The following VAV3 variants were observed in gnomAD, a reference collection of about 807,000 sequenced individuals.
VAV3 encodes guanine nucleotide exchange factor VAV3.
In VAV3, 94 loss-of-function variants were observed where a neutral mutation model predicts 131.2. The observed-to-expected ratio is 0.72, with a 90% confidence interval of 0.61 to 0.85. VAV3 has a LOEUF of 0.85. Ranked by LOEUF, VAV3 falls within the 40% of genes least tolerant of loss-of-function variation. The pLI is 0.00. For missense variants in VAV3, 939 were observed against 1,002.7 expected (o/e 0.94, Z 0.86); for synonymous variants, 349 against 342.0 (o/e 1.02, Z -0.22).
chr1:107,702,384 G>A (rs1570781981), intron 17 of VAV3, among the ~76,000 whole-genome samples: 2 of 152,248 alleles, frequency 1.3e-5, no homozygotes, highest in South Asian at 2.1e-4. Context: ...ATTTGGGTGG[G>A]CACACAGGGC....
intron 25 of VAV3, among the ~76,000 whole-genome samples, chr1:107,583,408 G>T (rs1328596090): frequency 1.3e-5 from 2 of 152,140 alleles, no homozygotes; most frequent in African/African-American, 4.8e-5. Context: ...GTTCTGGCCA[G>T]GGCAATTAGG....
At chr1:107,691,759 T>G (rs1322473116) in intron 17 of VAV3, among the ~76,000 whole-genome samples, 2 of 152,172 alleles carry the variant, frequency 1.3e-5, no homozygotes, top group African/African-American at 2.4e-5. Flanking sequence ...TCTTTCATCA[T>G]GTCCCAACTG....
intron 22 of VAV3, among the ~76,000 whole-genome samples, chr1:107,605,757 A>C (rs1030967172): frequency 6.6e-6 from 1 of 152,200 alleles, no homozygotes; most frequent in Admixed American, 6.5e-5. Context: ...GATATATATA[A>C]AACATAAATA....
intron 2 of VAV3, among the ~76,000 whole-genome samples, chr1:107,791,630 T>C (rs936946946): frequency 6.6e-6 from 1 of 152,152 alleles, no homozygotes; most frequent in Non-Finnish European, 1.5e-5. Context: ...ATGACTCAAA[T>C]AGTCTGTGAT....
intron 4 of VAV3, among the ~76,000 whole-genome samples, chr1:107,773,841 T>C (rs943228242): frequency 6.6e-6 from 1 of 152,038 alleles, no homozygotes; most frequent in Non-Finnish European, 1.5e-5. Flanking sequence ...AGCTGAGATA[T>C]AAAATGATGA....
intron 17 of VAV3, among the ~76,000 whole-genome samples, chr1:107,702,795 CAAAAA>C (rs11312777): frequency 7.3e-6 from 1 of 137,672 alleles, no homozygotes; most frequent in African/African-American, 2.5e-5. Context: ...CCACGTCTTT[CAAAAA>C]AAAAAAAAAA....
intron 17 of VAV3, among the ~76,000 whole-genome samples, chr1:107,703,442 C>T (rs141545120): frequency 3.6e-3 from 542 of 152,274 alleles, no homozygotes; most frequent in Non-Finnish European, 5.6e-3. Flanking sequence ...CAAGAAGATG[C>T]CCAGTAGAGC....
At chr1:107,741,350 G>C (rs1223969720) in intron 15 of VAV3, among the ~76,000 whole-genome samples, 1 of 152,196 alleles carries the variant, frequency 6.6e-6, no homozygotes, top group Non-Finnish European at 1.5e-5. Context: ...CTAAATCCCA[G>C]GATGGGTGTG....
chr1:107,952,265 C>T lies in VAV3; in HGVS notation c.204+12401G>A, dbSNP rs566734020. 1.3e-4 allele frequency among the ~76,000 whole-genome samples: 19 copies of T among 151,756 alleles called. No homozygotes were observed. In the South Asian group the frequency reaches 3.8e-3, roughly 30 times the overall value. On this transcript the variant is annotated intron_variant, in intron 1 of 26. Coordinates refer to ENST00000370056, the MANE Select transcript of VAV3 (RefSeq NM_006113.5). ...ATAAGTGAGGGCTAAATGATGAGAT[C>T]ACATGGGCACACGGAGGGGAACCAC...
intron 20 of VAV3, among the ~76,000 whole-genome samples, chr1:107,621,929 G>T (rs1342595543): frequency 6.6e-6 from 1 of 151,994 alleles, no homozygotes; most frequent in Admixed American, 6.6e-5. Flanking sequence ...TACAGGTTGG[G>T]TCATTCTTAT....
At chr1:107,906,247 T>TGTTAG (rs1343754396) in intron 1 of VAV3, among the ~76,000 whole-genome samples, 1 of 151,816 alleles carries the variant, frequency 6.6e-6, no homozygotes, top group Non-Finnish European at 1.5e-5. Flanking sequence ...AGCCAAGGCT[T>TGTTAG]GTTTTGTTTT....
chr1:107,924,834 G>C (rs1484194640), intron 1 of VAV3, among the ~76,000 whole-genome samples: 1 of 152,058 alleles, frequency 6.6e-6, no homozygotes, highest in Non-Finnish European at 1.5e-5. Flanking sequence ...ACGATATTAA[G>C]AATATTTAGG....
chr1:107,964,757 C>T lies in VAV3; in HGVS notation c.113G>A (p.Arg38His). The T allele has an allele frequency of 6.2e-7, 1 of 1,614,048 alleles. No individual in the cohort carries two copies. The highest frequency in any genetic ancestry group is 8.5e-7 in the Non-Finnish European group (1 of 1,180,000). ...CAGCTGGCAGAGCAGGACTCCATCG[C>T]GGAGGGTCTGCGCAAGGTCGAACAC... ...AQVFDLAQTL[R>H]DGVLLCQLLN... The change falls in exon 1 of 27, where the codon CGC becomes CAC. Residue 38 changes from arginine to histidine, a missense_variant. Physicochemically the swap from Arg to His is conservative, Grantham distance 29. Coordinates refer to ENST00000370056, the MANE Select transcript of VAV3 (RefSeq NM_006113.5).
chr1:107,838,965 G>A (rs767288751), intron 2 of VAV3, among the ~76,000 whole-genome samples: 1 of 152,088 alleles, frequency 6.6e-6, no homozygotes, highest in Non-Finnish European at 1.5e-5. Context: ...AGAGGAGAGA[G>A]GCAAGGGCTG....
intron 2 of VAV3, among the ~76,000 whole-genome samples, chr1:107,814,206 T>G (rs1204618729): frequency 6.6e-6 from 1 of 152,162 alleles, no homozygotes; most frequent in Non-Finnish European, 1.5e-5. Flanking sequence ...ACAATAGTTC[T>G]ATTTTTGGGG....
chr1:107,687,337 T>C lies in VAV3; in HGVS notation c.1731+1044A>G, dbSNP rs139798957. Among the ~76,000 whole-genome samples the C allele has an allele frequency of 2.3e-3, 348 of 152,264 alleles. 2 individuals carry two copies. Among genetic ancestry groups the C allele is most frequent in the African/African-American group, 8.2e-3 (339 of 41,578 alleles). On this transcript the variant is annotated intron_variant, in intron 18 of 26. Coordinates refer to ENST00000370056, the MANE Select transcript of VAV3 (RefSeq NM_006113.5). ...AAAGTAGAGACAAGCACCTCTTATA[T>C]TTTGCTGTACTTTTTCTTATTTTTA... is the stretch of plus-strand genomic sequence containing the variant.
At chr1:107,632,284 T>A (rs1036360356) in intron 20 of VAV3, among the ~76,000 whole-genome samples, 5 of 152,186 alleles carry the variant, frequency 3.3e-5, no homozygotes, top group Admixed American at 2.0e-4. Context: ...AGGCCATCTG[T>A]GTCTTAATCT....
intron 19 of VAV3, among the ~76,000 whole-genome samples, chr1:107,666,868 G>A (rs1657447776): frequency 6.6e-6 from 1 of 152,158 alleles, no homozygotes. Flanking sequence ...GGTACAGAGG[G>A]TTTAAGTGAC....
intron 20 of VAV3, among the ~76,000 whole-genome samples, chr1:107,623,279 T>A (rs1208564742): frequency 6.6e-6 from 1 of 152,216 alleles, no homozygotes; most frequent in Non-Finnish European, 1.5e-5. Flanking sequence ...GTTACAAGGA[T>A]CAAAGAATTA....
Sources: gnomAD v4.1 joint callset for allele counts (sites outside exome capture counted in the v4.1 genomes callset) on GRCh38, gnomAD v4.1.1 for gene constraint, MANE v1.5 for transcripts, NCBI Gene and HGNC (gene_info 2026-07-23, HGNC 2026-07-21) for gene names.